Variants in LCA5L observed in about 807,000 individuals in gnomAD.
The protein encoded by LCA5L is lebercilin LCA5 like.
Under a neutral mutation model 45.4 loss-of-function variants are expected in LCA5L, and 35 were observed. That is an observed-to-expected ratio of 0.77 (90% CI 0.59 to 1.02). The LOEUF (loss-of-function observed/expected upper bound fraction) is 1.02, where lower values mean the gene tolerates loss of function less well. LCA5L is among the 50% of genes least tolerant of loss of function. LCA5L has a pLI of 0.00. For synonymous variants in LCA5L, 233 were observed against 264.7 expected (o/e 0.88, Z 1.16); for missense variants, 668 against 761.6 (o/e 0.88, Z 1.45).
chr21:39,412,037 G>A (rs1353479648), intron 7 of LCA5L, among the ~76,000 whole-genome samples: 1 of 152,182 alleles, frequency 6.6e-6, no homozygotes, highest in Non-Finnish European at 1.5e-5. Context: ...AGCCTTGCAG[G>A]TCAGCTTGTC....
chr21:39,420,891 TAA>T, intron 6 of LCA5L, 48 bp from the exon 7 acceptor site: 1 of 1,460,076 alleles, frequency 6.8e-7, no homozygotes, highest in Non-Finnish European at 9.5e-7. Context: ...GTTAGTATGT[TAA>T]AAACTTCAAT....
At position 39,423,375 on chromosome 21, in the gene LCA5L, T is replaced by TG; in HGVS notation, c.437dup (p.Arg147LysfsTer4). 6.2e-7 allele frequency: 1 copy of TG among 1,612,316 alleles called. No homozygotes were observed. The highest frequency in any genetic ancestry group is 8.5e-7 in the Non-Finnish European group (1 of 1,179,864). On this transcript the variant is annotated frameshift_variant, in exon 6 of 11. Coordinates refer to ENST00000288350, the MANE Select transcript of LCA5L (RefSeq NM_152505.4). LOFTEE classifies it high-confidence loss of function. ...TTAGTCCTTTAATTTTATGAAGCCT[T>TG]GCTGAGAGTATTCGATGAGCCATAG...
In LCA5L at chr21:39,409,018, T is replaced by C. The variant is rs1026927842; in HGVS notation, c.1282+961A>G. Among the ~76,000 whole-genome samples the C allele has an allele frequency of 2.0e-4, 31 of 152,178 alleles. No individual in the cohort carries two copies. Among genetic ancestry groups the C allele is most frequent in the Non-Finnish European group, 2.8e-4 (19 of 68,016 alleles). ...TTGTATTCCTTCCTCCCAAATTTCA[T>C]ATGTTGAAGCCGTAACCCCCAGTAT... On this transcript the variant is annotated intron_variant, in intron 10 of 10. Coordinates refer to ENST00000288350, the MANE Select transcript of LCA5L (RefSeq NM_152505.4). This position sits in a 1 kb window ranked among gnomAD's most constrained non-coding sequence, Gnocchi z 4.2.
intron 7 of LCA5L, among the ~76,000 whole-genome samples, chr21:39,414,732 C>CTGTGTGTGTGTGTGTGTGTGTGTGTGTG (rs1464601997): frequency 1.8e-5 from 2 of 110,396 alleles, no homozygotes; most frequent in African/African-American, 7.8e-5. Flanking sequence ...CTCTCTCTCT[C>CTGTGTGTGTGTGTGTGTGTGTGTGTGTG]TCTCTCTCTC....
chr21:39,411,666 A>G, intron 8 of LCA5L, 52 bp downstream of exon 8: 1 of 907,798 alleles, frequency 1.1e-6, no homozygotes, highest in Non-Finnish European at 1.7e-6. Context: ...AATTAGGAAA[A>G]TCTGACTAGA....
At chr21:39,415,035 G>A (rs907572702) in intron 7 of LCA5L, among the ~76,000 whole-genome samples, 4 of 152,026 alleles carry the variant, frequency 2.6e-5, no homozygotes, top group Non-Finnish European at 5.9e-5. Flanking sequence ...TGGAGTAGCT[G>A]GGATTACAGG....
At chr21:39,443,109 A>G (rs992884468) in intron 2 of LCA5L, among the ~76,000 whole-genome samples, 2 of 152,200 alleles carry the variant, frequency 1.3e-5, no homozygotes, top group African/African-American at 4.8e-5. Context: ...CAAAGCCTGA[A>G]AAAGTCTCAT....
At chr21:39,417,057 G>C (rs983284314) in intron 7 of LCA5L, among the ~76,000 whole-genome samples, 1 of 152,160 alleles carries the variant, frequency 6.6e-6, no homozygotes, top group African/African-American at 2.4e-5. Flanking sequence ...TTTTGAGACA[G>C]AGTCTCGCTC....
chr21:39,438,836 T>G (rs2076536268), intron 2 of LCA5L: 1 of 152,216 alleles, frequency 6.6e-6, no homozygotes, highest in African/African-American at 2.4e-5. Context: ...TGTGTAGATA[T>G]GTAAAGTTCT....
intron 2 of LCA5L, among the ~76,000 whole-genome samples, chr21:39,436,960 G>A (rs994576701): frequency 2.0e-5 from 3 of 151,982 alleles, no homozygotes; most frequent in Non-Finnish European, 4.4e-5. Flanking sequence ...CAGCCTGTTT[G>A]TAGCCTGGCT....
intron 8 of LCA5L, chr21:39,411,098 A>T (rs1181181720): frequency 4.4e-5 from 15 of 341,558 alleles, no homozygotes; most frequent in Non-Finnish European, 6.9e-5. Context: ...ACTATGCTGA[A>T]CAAAAGCAGC....
In LCA5L at chr21:39,409,830, G is replaced by T. The variant is rs2039779920; in HGVS notation, c.1282+149C>A. ...GCTGGTCTCAAACTCTTGACCTCAG[G>T]TGATCTGCCTGCCTTGGCCTCCCAA... On this transcript the variant is annotated intron_variant, in intron 10 of 10. Transcript: ENST00000288350. The surrounding 1 kb of genome is among the most constrained non-coding windows in gnomAD (Gnocchi z 4.2). 1 of 564,372 alleles carries T rather than the reference G, an allele frequency of 1.8e-6. No homozygotes were observed. Among genetic ancestry groups the T allele is most frequent in the Non-Finnish European group, 3.1e-6 (1 of 322,886 alleles). 35.0% of individuals were successfully genotyped at this position (564,372 alleles called of 1,614,324 possible).
In LCA5L at chr21:39,406,538, C is replaced by CT; in HGVS notation, c.1356dup (p.Glu453ArgfsTer22). 1.2e-6 allele frequency: 2 copies of CT among 1,611,884 alleles called. No individual in the cohort carries two copies. The highest frequency in any genetic ancestry group is 1.7e-6 in the Non-Finnish European group (2 of 1,179,196). On this transcript the variant is annotated frameshift_variant, in exon 11 of 11. Coordinates refer to ENST00000288350, the MANE Select transcript of LCA5L (RefSeq NM_152505.4). LOFTEE classifies it low-confidence loss of function (END_TRUNC). ...AAAATGTTTTTCTTTTCTTGGTCTT[C>CT]TTTTTTGTCTTTTTGTCTTCCAGTA...
At chr21:39,441,962 T>G (rs938254217) in intron 2 of LCA5L, among the ~76,000 whole-genome samples, 1 of 152,176 alleles carries the variant, frequency 6.6e-6, no homozygotes, top group Non-Finnish European at 1.5e-5. Flanking sequence ...ATGTGGGGTG[T>G]GGAGATACAA....
chr21:39,441,753 C>T (rs1328970609), intron 2 of LCA5L, among the ~76,000 whole-genome samples: 12 of 152,182 alleles, frequency 7.9e-5, no homozygotes. Context: ...AATCTTTACA[C>T]AAGTACCCGT....
At chr21:39,424,617 T>A (rs1343413499) in intron 5 of LCA5L, among the ~76,000 whole-genome samples, 2 of 152,336 alleles carry the variant, frequency 1.3e-5, no homozygotes, top group African/African-American at 4.8e-5. Context: ...AATTAGAGTA[T>A]AACATGAGAA....
Position 39,409,621 on chromosome 21 carries a change from C to A in LCA5L, c.1282+358G>T, listed in dbSNP as rs2039731642. Among the ~76,000 whole-genome samples, 1 of 151,970 alleles carries A rather than the reference C, an allele frequency of 6.6e-6. No homozygotes were observed. Among genetic ancestry groups the A allele is most frequent in the African/African-American group, 2.4e-5 (1 of 41,368 alleles). ...TTTTTTTAATTTTTTGAGACAGAGT[C>A]TCACTCTGTCACCCAGGTTGGAGTG... is the stretch of plus-strand genomic sequence containing the variant. On this transcript the variant is annotated intron_variant, in intron 10 of 10. Transcript: ENST00000288350. The surrounding 1 kb of genome is among the most constrained non-coding windows in gnomAD (Gnocchi z 4.2).
intron 3 of LCA5L, among the ~76,000 whole-genome samples, chr21:39,435,140 A>G (rs762844609): frequency 1.4e-4 from 22 of 152,196 alleles, no homozygotes; most frequent in Non-Finnish European, 2.8e-4. Flanking sequence ...CGGGAACACA[A>G]TGAGTAATTA....
Position 39,406,143 on chromosome 21 carries a change from T to C in LCA5L, c.1752A>G (p.Ile584Met). ...YEPSFGKSSR[I>M]KVKDTTFRDK... Reference sequence around the variant, plus strand: ...CTCTGAAAGTTGTATCCTTCACTTTTATTCTGGAAGACTTACCAAATGAGG... The same window carrying C: ...CTCTGAAAGTTGTATCCTTCACTTTCATTCTGGAAGACTTACCAAATGAGG... The change falls in exon 11 of 11, where the codon ATA (isoleucine) becomes ATG (methionine). Residue 584 changes from isoleucine to methionine, a missense_variant. Transcript: ENST00000288350. The C allele has an allele frequency of 6.2e-7, 1 of 1,614,260 alleles. No individual in the cohort carries two copies. Among genetic ancestry groups the C allele is most frequent in the East Asian group, 2.2e-5 (1 of 44,894 alleles).
Sources: allele counts gnomAD v4.1 joint callset (sites outside exome capture counted in the v4.1 genomes callset), GRCh38; gene constraint gnomAD v4.1.1; non-coding constraint Gnocchi (gnomAD v3.1); transcripts MANE v1.5; gene names NCBI Gene and HGNC (gene_info 2026-07-23, HGNC 2026-07-21).